The following GFRAL variants were observed in gnomAD, a reference collection of about 807,000 sequenced individuals.
GFRAL encodes the protein GDNF family receptor alpha like.
GFRAL carries 36 observed loss-of-function variants against 45.4 expected under a neutral mutation model. The ratio of observed to expected loss-of-function variants is 0.79; its 90% CI spans 0.61 to 1.05. The LOEUF (loss-of-function observed/expected upper bound fraction) is 1.05. Among genes scored for constraint, GFRAL ranks in the 50% least tolerant of loss-of-function variants. GFRAL has a pLI of 0.00. For synonymous variants in GFRAL, 166 were observed against 154.1 expected, an observed-to-expected ratio of 1.08 and a Z score of -0.57; for missense variants, 507 against 467.5, an observed-to-expected ratio of 1.08 and a Z score of -0.78.
chr6:55,378,387 G>A (rs569883355), intron 6 of GFRAL, among the ~76,000 whole-genome samples: 1 of 152,126 alleles, frequency 6.6e-6, no homozygotes, highest in Non-Finnish European at 1.5e-5. Flanking sequence ...GCTAAAATAA[G>A]ATCTTGGTAT....
In GFRAL at chr6:55,333,829, C is replaced by A. The variant is rs1383604078; in HGVS notation, c.201C>A (p.Asn67Lys). 1 of 1,608,312 alleles carries A rather than the reference C, an allele frequency of 6.2e-7. No individual in the cohort carries two copies. Residue 67 changes from asparagine (N) to lysine (K), a missense_variant, in exon 3 of 9, where the codon AAC becomes AAA. Physicochemically the swap from Asn to Lys is moderately conservative, Grantham distance 94. Coordinates refer to ENST00000340465, the MANE Select transcript of GFRAL (RefSeq NM_207410.2). ...AGATGAGGAATTCATCATACTGTAA[C>A]CTGAGTATCCAGTACTTAGTGGAAA... is the stretch of plus-strand genomic sequence containing the variant. ...PCKMRNSSYC[N>K]LSIQYLVESN...
chr6:55,372,119 C>A (rs1384476322), intron 6 of GFRAL, among the ~76,000 whole-genome samples: 1 of 152,166 alleles, frequency 6.6e-6, no homozygotes, highest in African/African-American at 2.4e-5. Flanking sequence ...ATATACTTTT[C>A]TTTCTTGATA....
At chr6:55,397,175 T>A (rs1470293910) in intron 6 of GFRAL, among the ~76,000 whole-genome samples, 2 of 152,144 alleles carry the variant, frequency 1.3e-5, no homozygotes, top group Non-Finnish European at 2.9e-5. Flanking sequence ...CATTGGAGGT[T>A]TCTTAAATAG....
chr6:55,337,864 G>C (rs1767911954), intron 3 of GFRAL, among the ~76,000 whole-genome samples: 1 of 152,026 alleles, frequency 6.6e-6, no homozygotes, highest in South Asian at 2.1e-4. Flanking sequence ...GTGTATGTCT[G>C]ATTTGATTTT....
intron 6 of GFRAL, among the ~76,000 whole-genome samples, chr6:55,382,093 T>A (rs1415083746): frequency 6.6e-6 from 1 of 151,886 alleles, no homozygotes; most frequent in African/African-American, 2.4e-5. Flanking sequence ...CCAAGGAACA[T>A]TCAACAGAAT....
chr6:55,344,692 G>A (rs575080196), intron 3 of GFRAL, among the ~76,000 whole-genome samples: 15 of 152,268 alleles, frequency 9.9e-5, no homozygotes, highest in East Asian at 5.8e-4. Flanking sequence ...TCTGGCCAGC[G>A]CAATCAGGCA....
chr6:55,396,182 A>G (rs1768822480), intron 6 of GFRAL, among the ~76,000 whole-genome samples: 1 of 152,174 alleles, frequency 6.6e-6, no homozygotes, highest in Non-Finnish European at 1.5e-5. Flanking sequence ...CCTAGGGTGC[A>G]ATATTTAAGA....
At chr6:55,352,557 C>T (rs1366420999) in intron 5 of GFRAL, among the ~76,000 whole-genome samples, 1 of 152,040 alleles carries the variant, frequency 6.6e-6, no homozygotes, top group African/African-American at 2.4e-5. Context: ...ACAGAGTCCT[C>T]TTGAGAGGAC....
chr6:55,371,320 AAACACT>A (rs1464400017), intron 6 of GFRAL, among the ~76,000 whole-genome samples: 1 of 152,172 alleles, frequency 6.6e-6, no homozygotes, highest in African/African-American at 2.4e-5. Flanking sequence ...CAAAGTTGTT[AAACACT>A]CATAGATTTT....
chr6:55,338,479 A>G (rs1199977232), intron 3 of GFRAL, among the ~76,000 whole-genome samples: 1 of 152,194 alleles, frequency 6.6e-6, no homozygotes, highest in Non-Finnish European at 1.5e-5. Context: ...AATATAACAT[A>G]TTTTGGATGA....
rs752492236 is a variant in GFRAL at position 55,327,541 on chromosome 6, G to A, written c.-14G>A. 35 of 1,612,492 alleles carry A rather than the reference G, an allele frequency of 2.2e-5. No individual in the cohort carries two copies. The highest frequency in any genetic ancestry group is 1.6e-4 in the Middle Eastern group (1 of 6,078). ...TGCCTTTTTTTCCAGGTGAACTGCC[G>A]TGAGTTGTCCAGCATGATAGTGTTT... On this transcript the variant is annotated 5_prime_UTR_variant, in exon 1 of 9. In the 5' UTR this introduces an upstream ATG that the reference lacks. Transcript: ENST00000340465.
chr6:55,339,774 G>A (rs1767938339), intron 3 of GFRAL, among the ~76,000 whole-genome samples: 1 of 152,160 alleles, frequency 6.6e-6, no homozygotes, highest in Non-Finnish European at 1.5e-5. Context: ...AAAATATTTA[G>A]TGAGTTTTTT....
intron 6 of GFRAL, among the ~76,000 whole-genome samples, chr6:55,368,899 G>C (rs1227582360): frequency 6.6e-6 from 1 of 152,114 alleles, no homozygotes; most frequent in Admixed American, 6.6e-5. Context: ...CTTTTTGTTT[G>C]TCTGTGCCCT....
In GFRAL at chr6:55,351,512, T is replaced by C. The variant is rs772783910; in HGVS notation, c.630T>C (p.Cys210=). The change falls in exon 5 of 9, where the codon TGT becomes TGC. Residue 210 remains cysteine, a synonymous_variant. Transcript: ENST00000340465. The part of the protein sequence containing the change: ...QSKEALHSKT[C]AVNMVPPPTC... ...AAGAAGCTCTTCACAGCAAGACATGTGCAGTGAACATGGTTCCACCCCCTA... is the reference window on the plus strand; with the variant it reads ...AAGAAGCTCTTCACAGCAAGACATGCGCAGTGAACATGGTTCCACCCCCTA... The C allele has an allele frequency of 6.2e-7, 1 of 1,613,252 alleles. No individual in the cohort carries two copies. The highest frequency in any genetic ancestry group is 1.3e-5 in the African/African-American group (1 of 75,010).
intron 5 of GFRAL, among the ~76,000 whole-genome samples, chr6:55,353,662 A>G (rs56922398): frequency 0.02 from 3,110 of 152,202 alleles, 112 homozygotes; most frequent in African/African-American, 0.07. Flanking sequence ...GAGAAATACT[A>G]CATTTCATTG....
chr6:55,364,068 T>C (rs1768319192), intron 6 of GFRAL, among the ~76,000 whole-genome samples: 1 of 144,656 alleles, frequency 6.9e-6, no homozygotes, highest in Non-Finnish European at 1.5e-5. Context: ...TGTAAAAGTG[T>C]TCCTATTTCT....
chr6:55,351,692 A>G, intron 5 of GFRAL, 109 bp downstream of exon 5: 1 of 693,614 alleles, frequency 1.4e-6, no homozygotes, highest in South Asian at 2.2e-5. Flanking sequence ...ACCATCATCC[A>G]ACATAGTGTA....
intron 3 of GFRAL, among the ~76,000 whole-genome samples, chr6:55,339,448 T>C (rs1478252273): frequency 6.6e-6 from 1 of 151,960 alleles, no homozygotes; most frequent in Non-Finnish European, 1.5e-5. Context: ...AACAGAGATA[T>C]AGAGGTTTAT....
At chr6:55,340,172 G>A (rs2084074176) in intron 3 of GFRAL, among the ~76,000 whole-genome samples, 1 of 152,158 alleles carries the variant, frequency 6.6e-6, no homozygotes, top group African/African-American at 2.4e-5. Flanking sequence ...GAAAGAACAT[G>A]ATAATTTAAA....
Sources: gnomAD v4.1 joint callset for allele counts (sites outside exome capture counted in the v4.1 genomes callset) on GRCh38, gnomAD v4.1.1 for gene constraint, MANE v1.5 for transcripts, NCBI Gene and HGNC (gene_info 2026-07-23, HGNC 2026-07-21) for gene names.